NUP210L: variants seen among roughly 807,000 people sequenced by gnomAD.
NUP210L encodes nuclear pore membrane glycoprotein 210-like.
NUP210L carries 74 observed loss-of-function variants against 208.5 expected under a neutral mutation model. The ratio of observed to expected loss-of-function variants is 0.35; its 90% CI spans 0.29 to 0.43. The LOEUF is 0.43. Ranked by LOEUF, NUP210L falls within the 20% of genes least tolerant of loss-of-function variation. The pLI is 1.00. For synonymous variants in NUP210L, 780 were observed against 816.9 expected (o/e 0.95, Z 0.77); for missense variants, 1,843 against 2,289.4 (o/e 0.81, Z 3.98).
At chr1:154,072,327 CTT>C (rs1213732819) in intron 16 of NUP210L, among the ~76,000 whole-genome samples, 11 of 80,284 alleles carry the variant, frequency 1.4e-4, no homozygotes, top group Non-Finnish European at 2.0e-4. Context: ...ATGGCCATTC[CTT>C]TTTTTTTTTT....
At chr1:154,132,633 C>A (rs1441827145) in intron 7 of NUP210L, among the ~76,000 whole-genome samples, 1 of 151,848 alleles carries the variant, frequency 6.6e-6, no homozygotes, top group Non-Finnish European at 1.5e-5. Flanking sequence ...AAAAAAATAA[C>A]AATATGAACT....
intron 32 of NUP210L, among the ~76,000 whole-genome samples, chr1:154,019,684 T>A (rs140040119): frequency 2.1e-3 from 325 of 152,196 alleles, no homozygotes; most frequent in African/African-American, 7.4e-3. Context: ...CCCAGCACTT[T>A]GAGAGGCCGA....
At chr1:154,014,169 G>T (rs1651117135) in intron 33 of NUP210L, among the ~76,000 whole-genome samples, 1 of 152,086 alleles carries the variant, frequency 6.6e-6, no homozygotes. Context: ...TACATTAATG[G>T]CTTAATAAAG....
chr1:153,995,672 A>C (rs1649810951), intron 37 of NUP210L: 1 of 1,322,212 alleles, frequency 7.6e-7, no homozygotes. Flanking sequence ...CTTTCCTACA[A>C]TACAGCCTCT....
intron 10 of NUP210L, among the ~76,000 whole-genome samples, chr1:154,124,328 G>A (rs1056048357): frequency 2.0e-5 from 3 of 152,174 alleles, no homozygotes; most frequent in African/African-American, 7.2e-5. Flanking sequence ...AGAGTCAAGG[G>A]TGACTTCGGA....
At chr1:154,058,251 T>G (rs766694670) in intron 21 of NUP210L, 35 bp from the exon 22 acceptor site, 4 of 1,610,326 alleles carry the variant, frequency 2.5e-6, no homozygotes, top group Non-Finnish European at 3.4e-6. Context: ...TTAGCAAAGG[T>G]GTCTCATTCA....
At chr1:153,994,282 C>T (rs982212793) in intron 38 of NUP210L, among the ~76,000 whole-genome samples, 4 of 152,098 alleles carry the variant, frequency 2.6e-5, no homozygotes, top group Admixed American at 1.3e-4. Flanking sequence ...TGTGTGTTTG[C>T]CAAATCCAGT....
At chr1:154,032,022 G>T (rs180929988) in intron 27 of NUP210L, among the ~76,000 whole-genome samples, 1 of 152,012 alleles carries the variant, frequency 6.6e-6, no homozygotes, top group Non-Finnish European at 1.5e-5. Context: ...GAGTTACGGC[G>T]CCCAGCCATC....
chr1:154,028,461 C>A lies in NUP210L; in HGVS notation c.3856-864G>T, dbSNP rs778115077. The stretch of plus-strand genomic sequence containing the variant: ...AAGTAGCCAGGCATGGTGGCGCATG[C>A]CTGTAATCTCAGGTACTCAGGAGGC... On this transcript the variant is annotated intron_variant, in intron 28 of 39. Transcript: ENST00000368559. Among the ~76,000 whole-genome samples, 32 of 152,146 alleles carry A rather than the reference C, an allele frequency of 2.1e-4. No individual in the cohort carries two copies. In the Middle Eastern group the frequency reaches 0.014, roughly 65 times the overall value.
intron 21 of NUP210L, 115 bp from the exon 22 acceptor site, chr1:154,058,331 C>A: frequency 5.9e-6 from 7 of 1,194,650 alleles, no homozygotes; most frequent in Non-Finnish European, 8.3e-6. Context: ...TCCTGGTCAG[C>A]CTTCAATCAA....
chr1:153,996,507 C>T (rs566098829), intron 37 of NUP210L, among the ~76,000 whole-genome samples: 3 of 151,734 alleles, frequency 2.0e-5, no homozygotes, highest in South Asian at 2.1e-4. Context: ...CTGCAACCTC[C>T]GCCTCCTGGG....
chr1:154,040,968 T>C (rs1039792155), intron 27 of NUP210L, among the ~76,000 whole-genome samples: 13 of 152,218 alleles, frequency 8.5e-5, no homozygotes, highest in Non-Finnish European at 8.8e-5. Context: ...GTTTCCTTTT[T>C]GTGCCTTTTT....
At chr1:154,012,370 C>T in exon 34 of NUP210L, 2 of 1,609,994 alleles carry the variant, frequency 1.2e-6, no homozygotes, top group Non-Finnish European at 1.7e-6. Context: ...TTGACCACCA[C>T]CTGTCAGCAA....
intron 33 of NUP210L, among the ~76,000 whole-genome samples, chr1:154,013,571 C>T (rs1255838029): frequency 6.9e-6 from 1 of 145,634 alleles, no homozygotes; most frequent in Non-Finnish European, 1.5e-5. Context: ...GAGACTCCAT[C>T]TCAAAAAAAC....
At position 154,031,726 on chromosome 1, in the gene NUP210L, T is replaced by TC. The variant is rs1216271104; in HGVS notation, c.3697-1673_3697-1672insG. Among the ~76,000 whole-genome samples, 9 of 152,054 alleles carry TC rather than the reference T, an allele frequency of 5.9e-5. No individual in the cohort carries two copies. In the East Asian group the frequency reaches 1.7e-3, roughly 29 times the overall value. On this transcript the variant is annotated intron_variant, in intron 27 of 39. Transcript: ENST00000368559. ...CACATGACAGGATCACATTCCTTTT[T>TC]TTTTTTTTTTAAGACAGGGTTTCGT... is the stretch of plus-strand genomic sequence containing the variant.
At chr1:154,135,942 A>G in exon 7 of NUP210L, 5 of 1,607,062 alleles carry the variant, frequency 3.1e-6, no homozygotes, top group South Asian at 1.1e-5. Context: ...TTGCAATTCC[A>G]GTATATAATG....
intron 1 of NUP210L, among the ~76,000 whole-genome samples, chr1:154,153,471 G>A (rs569932057): frequency 1.3e-5 from 2 of 152,190 alleles, no homozygotes; most frequent in African/African-American, 2.4e-5. Flanking sequence ...CACTATGCCC[G>A]ACTAATTTTT....
chr1:154,108,985 A>G (rs1436626569), intron 12 of NUP210L, among the ~76,000 whole-genome samples: 1 of 151,714 alleles, frequency 6.6e-6, no homozygotes, highest in Non-Finnish European at 1.5e-5. Context: ...CTGTAATCCC[A>G]GCTACTCGGG....
chr1:154,117,595 G>C (rs775336899), intron 12 of NUP210L, 130 bp downstream of exon 12: 22 of 697,568 alleles, frequency 3.2e-5, no homozygotes, highest in Non-Finnish European at 3.9e-5. Flanking sequence ...AAAAAAAAAA[G>C]TATTTCTTGA....
Sources: gnomAD v4.1 joint callset for allele counts (sites outside exome capture counted in the v4.1 genomes callset) on GRCh38, gnomAD v4.1.1 for gene constraint, MANE v1.5 for transcripts, NCBI Gene and HGNC (gene_info 2026-07-23, HGNC 2026-07-21) for gene names.